The following METTL15 variants were observed in gnomAD, a reference collection of about 807,000 sequenced individuals.
METTL15 encodes methyltransferase 15, mitochondrial 12S rRNA N4-cytidine, also known as 12S rRNA N(4)-cytidine methyltransferase METTL15.
Under a neutral mutation model 38.3 loss-of-function variants are expected in METTL15, and 34 were observed. The observed-to-expected ratio is 0.89, with a 90% CI of 0.68 to 1.18. METTL15 has a LOEUF of 1.18. Ranked by LOEUF, METTL15 falls within the 50% of genes most tolerant of loss-of-function variation. The pLI is 0.00. For missense variants in METTL15, 438 were observed against 498.4 expected, an observed-to-expected ratio of 0.88 and a Z score of 1.15; for synonymous variants, 162 against 170.9, an observed-to-expected ratio of 0.95 and a Z score of 0.41.
intron 5 of METTL15, among the ~76,000 whole-genome samples, chr11:28,393,997 T>G (rs1850541527): frequency 6.6e-6 from 1 of 152,106 alleles, no homozygotes; most frequent in Non-Finnish European, 1.5e-5. Flanking sequence ...TGTGTTTGTG[T>G]ATGTGTAGTT....
chr11:28,324,714 G>A (rs1484236116), intron 6 of METTL15, among the ~76,000 whole-genome samples: 1 of 152,156 alleles, frequency 6.6e-6, no homozygotes, highest in Admixed American at 6.5e-5. Flanking sequence ...TTGTGATGCT[G>A]CTCATTTAGT....
intron 6 of METTL15, among the ~76,000 whole-genome samples, chr11:28,432,858 A>T (rs544320285): frequency 6.6e-6 from 1 of 152,086 alleles, no homozygotes; most frequent in Admixed American, 6.5e-5. Context: ...ACCATAACCT[A>T]GTGAAGCATT....
chr11:28,356,090 C>T (rs1219780447), intron 4 of METTL15, among the ~76,000 whole-genome samples: 2 of 152,174 alleles, frequency 1.3e-5, no homozygotes, highest in African/African-American at 4.8e-5. Context: ...CAGCTCTTTG[C>T]TCCCTCTTGT....
intron 4 of METTL15, among the ~76,000 whole-genome samples, chr11:28,231,898 C>G (rs1161153239): frequency 1.3e-5 from 2 of 151,720 alleles, no homozygotes; most frequent in African/African-American, 4.8e-5. Context: ...ATTGCTGTAT[C>G]TTAACAGACT....
At chr11:28,479,569 T>TA (rs1405560535) in intron 6 of METTL15, among the ~76,000 whole-genome samples, 2 of 152,220 alleles carry the variant, frequency 1.3e-5, no homozygotes, top group African/African-American at 4.8e-5. Flanking sequence ...GTAATCCTGA[T>TA]ATAGATTCCA....
Position 28,296,742 on chromosome 11 carries a change from C to A in METTL15, c.600-11C>A. On this transcript the variant is annotated splice_polypyrimidine_tract_variant and intron_variant, in intron 5 of 6. Coordinates refer to ENST00000407364, the MANE Select transcript of METTL15 (RefSeq NM_001113528.2). ...GATGTCAGTGAACTAATTGGCTCTT[C>A]TTGTGCGTAGGTACCCTGACATGCC... The A allele has an allele frequency of 6.2e-7, 1 of 1,612,180 alleles. No homozygotes were observed.
intron 3 of METTL15, among the ~76,000 whole-genome samples, chr11:28,115,990 A>G (rs762590459): frequency 2.0e-5 from 3 of 151,542 alleles, no homozygotes; most frequent in Non-Finnish European, 2.9e-5. Flanking sequence ...TGGATTTACC[A>G]GTGCACCACA....
chr11:28,497,248 C>A (rs1264870115), intron 6 of METTL15, among the ~76,000 whole-genome samples: 1 of 152,180 alleles, frequency 6.6e-6, no homozygotes, highest in Non-Finnish European at 1.5e-5. Context: ...CCAGTGCTTG[C>A]AAATACTAGT....
intron 2 of METTL15, among the ~76,000 whole-genome samples, chr11:28,110,991 G>C (rs1027001952): frequency 6.6e-6 from 1 of 152,172 alleles, no homozygotes; most frequent in Non-Finnish European, 1.5e-5. Flanking sequence ...GACTGCAGGA[G>C]AGCTCCAAGT....
intron 4 of METTL15, among the ~76,000 whole-genome samples, chr11:28,237,073 A>T (rs1044746118): frequency 7.9e-5 from 12 of 151,880 alleles, no homozygotes; most frequent in Non-Finnish European, 1.5e-4. Context: ...TCTGATAATT[A>T]TGTGTCTTGG....
At chr11:28,214,377 C>T (rs1852776076) in intron 4 of METTL15, among the ~76,000 whole-genome samples, 1 of 151,926 alleles carries the variant, frequency 6.6e-6, no homozygotes, top group African/African-American at 2.4e-5. Context: ...GGAAAAAGGT[C>T]TAAGTTTGCT....
chr11:28,474,536 G>T (rs1851328906), intron 6 of METTL15, among the ~76,000 whole-genome samples: 1 of 152,072 alleles, frequency 6.6e-6, no homozygotes, highest in African/African-American at 2.4e-5. Flanking sequence ...GCTTTTTTGG[G>T]AGAATATTCA....
chr11:28,400,800 A>G (rs1226851417), intron 5 of METTL15, among the ~76,000 whole-genome samples: 2 of 151,938 alleles, frequency 1.3e-5, no homozygotes, highest in Non-Finnish European at 2.9e-5. Flanking sequence ...CCTAACCACA[A>G]CAATGTGTTT....
chr11:28,350,915 A>C (rs1372595741), intron 3 of METTL15, among the ~76,000 whole-genome samples: 3 of 152,282 alleles, frequency 2.0e-5, no homozygotes, highest in Non-Finnish European at 2.9e-5. Context: ...ATGCTAGGTC[A>C]CTGGTTACCA....
intron 4 of METTL15, among the ~76,000 whole-genome samples, chr11:28,233,140 C>T (rs1358898347): frequency 1.3e-5 from 2 of 151,878 alleles, no homozygotes; most frequent in Non-Finnish European, 2.9e-5. Context: ...TTAAAATGTA[C>T]ATTTGTATTC....
At chr11:28,147,996 G>T (rs1198353918) in intron 3 of METTL15, among the ~76,000 whole-genome samples, 3 of 151,770 alleles carry the variant, frequency 2.0e-5, no homozygotes, top group African/African-American at 7.3e-5. Flanking sequence ...AAATCTTTCT[G>T]AGGGTCCACA....
chr11:28,365,316 G>C (rs533889491), intron 5 of METTL15, among the ~76,000 whole-genome samples: 1 of 152,210 alleles, frequency 6.6e-6, no homozygotes, highest in East Asian at 1.9e-4. Flanking sequence ...GGCTCTTTCT[G>C]ATTGGTAGGT....
chr11:28,161,696 A>T (rs1403692010), intron 3 of METTL15, among the ~76,000 whole-genome samples: 1 of 151,990 alleles, frequency 6.6e-6, no homozygotes, highest in African/African-American at 2.4e-5. Flanking sequence ...AAAATTGAAT[A>T]GAAAATATGA....
chr11:28,297,630 T>G (rs1451936008), intron 6 of METTL15, among the ~76,000 whole-genome samples: 1 of 152,138 alleles, frequency 6.6e-6, no homozygotes, highest in Admixed American at 6.6e-5. Flanking sequence ...CAAAGTTGTT[T>G]CACAGCTGTG....
Sources: allele counts gnomAD v4.1 joint callset (sites outside exome capture counted in the v4.1 genomes callset), GRCh38; gene constraint gnomAD v4.1.1; transcripts MANE v1.5; gene names NCBI Gene and HGNC (gene_info 2026-07-23, HGNC 2026-07-21).